Variants in SPAG17 observed in about 807,000 individuals in gnomAD.
SPAG17 encodes the protein sperm associated antigen 17.
SPAG17 carries 169 observed loss-of-function variants against 273.6 expected under a neutral mutation model. That is an observed-to-expected ratio of 0.62 (90% CI 0.55 to 0.70). SPAG17 has a LOEUF of 0.70. Ranked by LOEUF, SPAG17 falls within the 30% of genes least tolerant of loss-of-function variation. The pLI is 0.00. For missense variants in SPAG17, 2,557 were observed against 2,627.8 expected, an observed-to-expected ratio of 0.97 and a Z score of 0.59; for synonymous variants, 825 against 873.2, an observed-to-expected ratio of 0.94 and a Z score of 0.97.
chr1:117,975,164 G>A (rs544863906), intron 43 of SPAG17, among the ~76,000 whole-genome samples: 56 of 152,236 alleles, frequency 3.7e-4, no homozygotes, highest in Non-Finnish European at 6.6e-4. Flanking sequence ...GTCCTTTGTA[G>A]GAGAGGATAA....
At chr1:117,991,282 A>G (rs1557875444) in intron 37 of SPAG17, 133 bp downstream of exon 37, 10 of 528,408 alleles carry the variant, frequency 1.9e-5, no homozygotes, top group Non-Finnish European at 2.6e-5. Context: ...TTTCCACAAA[A>G]ATTGAAAATT....
chr1:118,016,765 G>C (rs558477657), intron 28 of SPAG17, among the ~76,000 whole-genome samples: 1 of 152,274 alleles, frequency 6.6e-6, no homozygotes, highest in South Asian at 2.1e-4. Context: ...ACAATTGTCT[G>C]ATACATTTTC....
intron 3 of SPAG17, among the ~76,000 whole-genome samples, chr1:118,128,970 C>T (rs997922264): frequency 6.6e-6 from 1 of 152,170 alleles, no homozygotes; most frequent in Non-Finnish European, 1.5e-5. Context: ...TTGTTCAGGC[C>T]AGTAGAATGA....
rs187581492 is a variant in SPAG17, at chr1:118,128,229, G to A, written c.316-12788C>T. The stretch of plus-strand genomic sequence containing the variant: ...TCAGCTAGTTTGTTATTGGTGTATA[G>A]AAAAGCTGATTTTTGTATGTTGATT... On this transcript the variant is annotated intron_variant, in intron 3 of 48. Transcript: ENST00000336338. Among the ~76,000 whole-genome samples the A allele has an allele frequency of 7.2e-5, 11 of 152,020 alleles. No homozygotes were observed. The East Asian group carries it at 2.1e-3, about 29-fold the overall frequency.
chr1:118,135,413 G>GTA (rs1222487578), intron 3 of SPAG17, among the ~76,000 whole-genome samples: 21 of 147,302 alleles, frequency 1.4e-4, no homozygotes, highest in Non-Finnish European at 2.7e-4. Context: ...GTGTGTGTAT[G>GTA]TGTGTGTGTG....
chr1:117,957,090 G>T, intron 48 of SPAG17: 1 of 1,599,284 alleles, frequency 6.3e-7, no homozygotes, highest in Middle Eastern at 1.7e-4. Flanking sequence ...ATCTCTACTT[G>T]TGCTGCCTTT....
At position 118,135,946 on chromosome 1, in the gene SPAG17, G is replaced by A. The variant is rs192972153; in HGVS notation, c.315+14597C>T. Among the ~76,000 whole-genome samples, 11 of 152,298 alleles carry A rather than the reference G, an allele frequency of 7.2e-5. No individual in the cohort carries two copies. In the East Asian group the frequency reaches 1.7e-3, roughly 24 times the overall value. The stretch of plus-strand genomic sequence containing the variant: ...AGAGCAAACTTTGGATTTGGAGTCA[G>A]AATGACTGGGTTCCATTGCGAGGTA... On this transcript the variant is annotated intron_variant, in intron 3 of 48. Coordinates refer to ENST00000336338, the MANE Select transcript of SPAG17 (RefSeq NM_206996.4).
intron 30 of SPAG17, among the ~76,000 whole-genome samples, chr1:118,009,248 AACACACACACACACACACAC>A (rs55873088): frequency 7.0e-6 from 1 of 142,608 alleles, no homozygotes; most frequent in Admixed American, 7.1e-5. Flanking sequence ...AGGTGCTCAT[AACACACACACACACACACAC>A]ACACACACAC....
At chr1:118,065,568 T>C (rs1283215925) in intron 18 of SPAG17, among the ~76,000 whole-genome samples, 1 of 152,110 alleles carries the variant, frequency 6.6e-6, no homozygotes, top group Non-Finnish European at 1.5e-5. Context: ...AACAATACAT[T>C]AGCAAAGCAA....
intron 48 of SPAG17, among the ~76,000 whole-genome samples, chr1:117,958,138 A>G (rs1003081761): frequency 6.6e-6 from 1 of 152,216 alleles, no homozygotes; most frequent in African/African-American, 2.4e-5. Context: ...TGGTCAGCCA[A>G]TGCCAAATAG....
intron 4 of SPAG17, among the ~76,000 whole-genome samples, chr1:118,103,529 G>A (rs1656200185): frequency 6.6e-6 from 1 of 152,108 alleles, no homozygotes; most frequent in Non-Finnish European, 1.5e-5. Context: ...CACAGGTAAG[G>A]TACAGAAGAG....
chr1:118,097,992 A>C (rs1655826538), intron 6 of SPAG17, 141 bp from the exon 7 acceptor site: 1 of 488,494 alleles, frequency 2.0e-6, no homozygotes, highest in Non-Finnish European at 3.3e-6. Context: ...ATTTTGATAA[A>C]TTTTTGAAGT....
chr1:118,062,047 G>A (rs1652353964), intron 18 of SPAG17, among the ~76,000 whole-genome samples: 1 of 152,092 alleles, frequency 6.6e-6, no homozygotes, highest in African/African-American at 2.4e-5. Context: ...AGGCATATAT[G>A]GGTGGAAAAG....
In SPAG17 at chr1:118,150,598, G is replaced by A; in HGVS notation, c.260C>T (p.Ala87Val). 1 of 1,571,080 alleles carries A rather than the reference G, an allele frequency of 6.4e-7. No individual in the cohort carries two copies. Among genetic ancestry groups the A allele is most frequent in the Non-Finnish European group, 8.7e-7 (1 of 1,146,746 alleles). ...AGGTTTTTTTGCCTTTTTAGATGAA[G>A]CAGATCCAACAAGTGTATTTATTTC... is the stretch of plus-strand genomic sequence containing the variant. ...INEINTLVGSASSKKAKKPVG... is the reference protein window; with the variant it reads ...INEINTLVGSVSSKKAKKPVG... The change falls in exon 3 of 49, where the codon GCT becomes GTT. Residue 87 changes from alanine (A) to valine (V), a missense_variant. Ala to Val is a moderately conservative substitution (Grantham distance 64). Coordinates refer to ENST00000336338, the MANE Select transcript of SPAG17 (RefSeq NM_206996.4).
chr1:117,987,001 T>C (rs564143097), intron 40 of SPAG17, among the ~76,000 whole-genome samples: 1 of 152,326 alleles, frequency 6.6e-6, no homozygotes, highest in African/African-American at 2.4e-5. Flanking sequence ...GAGAGGAATC[T>C]GAGCAACAGA....
chr1:118,178,902 G>C (rs1558065139), intron 1 of SPAG17, among the ~76,000 whole-genome samples: 1 of 151,888 alleles, frequency 6.6e-6, no homozygotes, highest in Non-Finnish European at 1.5e-5. Flanking sequence ...TCAAAGAAAT[G>C]AAAGATCTAT....
chr1:117,955,294 G>T (rs1270026920), intron 48 of SPAG17: 2 of 1,607,476 alleles, frequency 1.2e-6, no homozygotes, highest in African/African-American at 2.7e-5. Context: ...ATCACTAATG[G>T]TATTAATCCT....
At chr1:118,056,749 G>A (rs557095090) in intron 18 of SPAG17, among the ~76,000 whole-genome samples, 3 of 152,076 alleles carry the variant, frequency 2.0e-5, no homozygotes, top group South Asian at 4.1e-4. Context: ...ATCCTTTTTG[G>A]AGAAATAAAC....
chr1:118,121,741 C>A (rs542856251), intron 3 of SPAG17, among the ~76,000 whole-genome samples: 10 of 152,162 alleles, frequency 6.6e-5, no homozygotes, highest in Non-Finnish European at 1.3e-4. Context: ...TCCATGTGTG[C>A]ACAAAATATG....
Sources: gnomAD v4.1 joint callset for allele counts (sites outside exome capture counted in the v4.1 genomes callset) on GRCh38, gnomAD v4.1.1 for gene constraint, MANE v1.5 for transcripts, NCBI Gene and HGNC (gene_info 2026-07-23, HGNC 2026-07-21) for gene names.